Variants in DNAH7 observed in about 807,000 individuals in gnomAD.
DNAH7 encodes the protein axonemal beta dynein heavy chain 7.
Under a neutral mutation model 444.6 loss-of-function variants are expected in DNAH7, and 397 were observed. The ratio of observed to expected loss-of-function variants is 0.89; its 90% CI spans 0.82 to 0.97. The LOEUF (loss-of-function observed/expected upper bound fraction) is 0.97. Among genes scored for constraint, DNAH7 ranks in the 50% least tolerant of loss-of-function variants. DNAH7 has a pLI of 0.00. For synonymous variants in DNAH7, 1,636 were observed against 1,624.4 expected, an observed-to-expected ratio of 1.01 and a Z score of -0.17; for missense variants, 4,902 against 4,800.8, an observed-to-expected ratio of 1.02 and a Z score of -0.62.
intron 63 of DNAH7, among the ~76,000 whole-genome samples, chr2:195,748,441 C>A (rs536173605): frequency 2.0e-5 from 3 of 152,296 alleles, no homozygotes; most frequent in African/African-American, 7.2e-5. Flanking sequence ...ATGCTATCCC[C>A]ATCAAGCTAC....
intron 48 of DNAH7, chr2:195,824,872 A>C (rs548867399): frequency 1.3e-5 from 2 of 153,070 alleles, no homozygotes; most frequent in South Asian, 4.1e-4. Flanking sequence ...ACAGGAAGAA[A>C]GGTATAAATA....
chr2:195,961,101 C>A (rs545479902), intron 17 of DNAH7, among the ~76,000 whole-genome samples, 156 bp from the exon 18 acceptor site: 2 of 152,176 alleles, frequency 1.3e-5, no homozygotes, highest in Admixed American at 6.5e-5. Flanking sequence ...GCAGTAATCT[C>A]ATTTTCCTAT....
At position 195,937,216 on chromosome 2, in the gene DNAH7, A is replaced by G. The variant is rs535026790; in HGVS notation, c.3079-424T>C. Reference sequence around the variant, plus strand: ...TTTTATTGTTATGAATAATAATAACATAACAGAATCCCTGTTTTATAACTA... The same window carrying G: ...TTTTATTGTTATGAATAATAATAACGTAACAGAATCCCTGTTTTATAACTA... On this transcript the variant is annotated intron_variant, in intron 19 of 64. Transcript: ENST00000312428. Among the ~76,000 whole-genome samples, 451 of 152,328 alleles carry G rather than the reference A, an allele frequency of 3.0e-3. 3 individuals are homozygous for G. The highest frequency in any genetic ancestry group is 0.01 in the African/African-American group (432 of 41,572).
chr2:195,914,577 A>G (rs1687556422), intron 24 of DNAH7, among the ~76,000 whole-genome samples: 1 of 152,266 alleles, frequency 6.6e-6, no homozygotes, highest in African/African-American at 2.4e-5. Context: ...TTGATGCTTC[A>G]TAAATAATAG....
chr2:195,964,333 C>T (rs546938563), intron 17 of DNAH7, among the ~76,000 whole-genome samples: 1 of 152,124 alleles, frequency 6.6e-6, no homozygotes, highest in East Asian at 1.9e-4. Context: ...ATATTTTATA[C>T]TTTTCATTGT....
chr2:196,028,979 A>G (rs1695864664), intron 5 of DNAH7, among the ~76,000 whole-genome samples: 1 of 152,254 alleles, frequency 6.6e-6, no homozygotes, highest in Admixed American at 6.5e-5. Flanking sequence ...GACAAGATAA[A>G]AGAGTCAAGG....
At chr2:196,017,377 A>G (rs1343385907) in intron 9 of DNAH7, among the ~76,000 whole-genome samples, 3 of 152,188 alleles carry the variant, frequency 2.0e-5, no homozygotes, top group Admixed American at 2.0e-4. Context: ...AACTTAATAA[A>G]TTCCAATCAG....
intron 63 of DNAH7, among the ~76,000 whole-genome samples, chr2:195,741,640 T>G (rs765089726): frequency 6.6e-6 from 1 of 152,230 alleles, no homozygotes; most frequent in Non-Finnish European, 1.5e-5. Context: ...AAAACCTGTT[T>G]TGTCATCTGG....
chr2:195,802,282 G>A (rs934703732), intron 54 of DNAH7, among the ~76,000 whole-genome samples: 20 of 152,302 alleles, frequency 1.3e-4, no homozygotes, highest in African/African-American at 4.6e-4. Context: ...AGGCTGAGGT[G>A]GGTGGATCAC....
At chr2:196,056,471 A>T (rs1697816448) in intron 2 of DNAH7, among the ~76,000 whole-genome samples, 2 of 151,950 alleles carry the variant, frequency 1.3e-5, no homozygotes, top group African/African-American at 4.8e-5. Flanking sequence ...TGCAGGGGGA[A>T]TCCTCTAATG....
At position 196,045,902 on chromosome 2, in the gene DNAH7, A is replaced by G. The variant is rs143237746; in HGVS notation, c.398+1450T>C. ...AATACATTGGTAGAAGTCCACATATATGAGAAATACCAATAAATACAAACG... is the reference window on the plus strand; with the variant it reads ...AATACATTGGTAGAAGTCCACATATGTGAGAAATACCAATAAATACAAACG... On this transcript the variant is annotated intron_variant, in intron 5 of 64. Coordinates refer to ENST00000312428, the MANE Select transcript of DNAH7 (RefSeq NM_018897.3). Among the ~76,000 whole-genome samples the G allele has an allele frequency of 5.9e-5, 9 of 152,270 alleles. No individual in the cohort carries two copies. The East Asian group carries it at 1.5e-3, about 26-fold the overall frequency.
intron 46 of DNAH7, among the ~76,000 whole-genome samples, chr2:195,851,785 G>A (rs1036720234): frequency 6.6e-6 from 1 of 152,176 alleles, no homozygotes; most frequent in African/African-American, 2.4e-5. Context: ...AGCCAGTGCA[G>A]ACACCTAGTG....
At position 195,804,758 on chromosome 2, in the gene DNAH7, G is replaced by A. The variant is rs550903249; in HGVS notation, c.10176+1982C>T. On this transcript the variant is annotated intron_variant, in intron 54 of 64. Transcript: ENST00000312428. The stretch of plus-strand genomic sequence containing the variant: ...CACATCTTATTGGTCAAAGTAAGAT[G>A]TATGGACACAATCCTCCCACTTCAA... Among the ~76,000 whole-genome samples the A allele has an allele frequency of 2.7e-3, 408 of 152,326 alleles. 2 individuals are homozygous for A. Among genetic ancestry groups the A allele is most frequent in the Non-Finnish European group, 5.2e-3 (354 of 68,030 alleles).
At chr2:196,029,860 T>G (rs1519615) in intron 5 of DNAH7, among the ~76,000 whole-genome samples, 112,631 of 152,048 alleles carry the variant, frequency 0.74, 41,865 homozygotes, top group East Asian at 0.9. Context: ...GAACTATATT[T>G]ATTTTTTTTT....
Position 195,783,045 on chromosome 2 carries a change from C to T in DNAH7, c.10878+3965G>A, listed in dbSNP as rs1015526040. On this transcript the variant is annotated intron_variant, in intron 58 of 64. Transcript: ENST00000312428. ...TTTACCTGGATATCCACTCGCCCAT[C>T]TGCTCTATACCTATTAATGCCTGGT... Among the ~76,000 whole-genome samples the T allele has an allele frequency of 2.0e-5, 3 of 152,302 alleles. No individual in the cohort carries two copies. In the East Asian group the frequency reaches 5.8e-4, roughly 29 times the overall value.
intron 61 of DNAH7, among the ~76,000 whole-genome samples, chr2:195,757,757 C>T (rs182908363): frequency 5.5e-4 from 84 of 152,294 alleles, no homozygotes; most frequent in Non-Finnish European, 2.9e-5. Flanking sequence ...AAGAATCAAC[C>T]AGACATACAC....
intron 56 of DNAH7, 77 bp downstream of exon 56, chr2:195,796,499 G>A: frequency 6.6e-7 from 1 of 1,504,166 alleles, no homozygotes; most frequent in Non-Finnish European, 9.1e-7. Context: ...GAGGGGAATG[G>A]AGCTACCCGA....
At chr2:195,822,238 TGCTTTAATC>T (rs1697508467) in intron 49 of DNAH7, among the ~76,000 whole-genome samples, 1 of 152,222 alleles carries the variant, frequency 6.6e-6, no homozygotes, top group Admixed American at 6.5e-5. Context: ...AGGCTACATT[TGCTTTAATC>T]CAAAAACCAT....
intron 15 of DNAH7, among the ~76,000 whole-genome samples, chr2:195,983,018 G>A (rs537210933): frequency 6.6e-6 from 1 of 152,134 alleles, no homozygotes; most frequent in South Asian, 2.1e-4. Flanking sequence ...AATGCTTGAG[G>A]TGCCAGATAC....
Sources: allele counts gnomAD v4.1 joint callset (sites outside exome capture counted in the v4.1 genomes callset), GRCh38; gene constraint gnomAD v4.1.1; transcripts MANE v1.5; gene names NCBI Gene and HGNC (gene_info 2026-07-23, HGNC 2026-07-21).